The following PPFIA2 variants were observed in gnomAD, a reference collection of about 807,000 sequenced individuals.
PPFIA2 encodes PPFI scaffold protein A2.
Under a neutral mutation model 175.5 loss-of-function variants are expected in PPFIA2, and 46 were observed. The ratio of observed to expected loss-of-function variants is 0.26; its 90% CI spans 0.21 to 0.34. The LOEUF is 0.34. PPFIA2 is among the 10% of genes least tolerant of loss of function. The pLI is 1.00. For missense variants in PPFIA2, 1,179 were observed against 1,506.1 expected, an observed-to-expected ratio of 0.78 and a Z score of 3.60; for synonymous variants, 568 against 511.4, an observed-to-expected ratio of 1.11 and a Z score of -1.49.
At chr12:81,402,638 G>C (rs894686798) in intron 8 of PPFIA2, among the ~76,000 whole-genome samples, 1 of 152,150 alleles carries the variant, frequency 6.6e-6, no homozygotes, top group Non-Finnish European at 1.5e-5. Context: ...CAGATTGCTT[G>C]AGCTCAGGAG....
At chr12:81,448,973 T>C (rs953233301) in intron 5 of PPFIA2, among the ~76,000 whole-genome samples, 2 of 152,176 alleles carry the variant, frequency 1.3e-5, no homozygotes, top group Admixed American at 6.5e-5. Flanking sequence ...ATTAGAGTCA[T>C]AGTACTATGG....
intron 23 of PPFIA2, chr12:81,298,521 C>G (rs2047038973): frequency 6.6e-6 from 1 of 152,172 alleles, no homozygotes; most frequent in African/African-American, 2.4e-5. Context: ...GCAAGGAAAG[C>G]CTGGATTCTT....
chr12:81,667,981 G>A (rs776701418), intron 4 of PPFIA2, among the ~76,000 whole-genome samples: 9 of 152,010 alleles, frequency 5.9e-5, no homozygotes, highest in Non-Finnish European at 1.3e-4. Flanking sequence ...TATAAGACTG[G>A]TGACTTCTAT....
chr12:81,516,419 T>C (rs957484732), intron 4 of PPFIA2, among the ~76,000 whole-genome samples: 3 of 152,190 alleles, frequency 2.0e-5, no homozygotes, highest in Non-Finnish European at 2.9e-5. Context: ...GGTTGAGTTG[T>C]GTCCTCTGCC....
At chr12:81,530,774 A>T (rs2064421729) in intron 4 of PPFIA2, among the ~76,000 whole-genome samples, 2 of 147,200 alleles carry the variant, frequency 1.4e-5, no homozygotes, top group African/African-American at 2.5e-5. Flanking sequence ...CACATTATAT[A>T]ATATATGTGT....
At chr12:81,260,721 C>T (rs1238089581) in intron 32 of PPFIA2, 3 of 152,314 alleles carry the variant, frequency 2.0e-5, no homozygotes, top group East Asian at 1.9e-4. Flanking sequence ...AATTGTGTGG[C>T]ACTTTTAGTT....
intron 7 of PPFIA2, among the ~76,000 whole-genome samples, chr12:81,416,875 T>C (rs1427510548): frequency 2.0e-5 from 3 of 151,692 alleles, no homozygotes; most frequent in African/African-American, 7.2e-5. Context: ...AACTAAATAA[T>C]CCAATGTGTG....
chr12:81,407,234 C>A (rs1436052667), intron 7 of PPFIA2, among the ~76,000 whole-genome samples: 1 of 152,092 alleles, frequency 6.6e-6, no homozygotes, highest in African/African-American at 2.4e-5. Context: ...CCTGTAATCT[C>A]GGCACTTTGG....
intron 3 of PPFIA2, among the ~76,000 whole-genome samples, chr12:81,747,753 T>C (rs2083251912): frequency 6.9e-6 from 1 of 144,004 alleles, no homozygotes; most frequent in Non-Finnish European, 1.6e-5. Context: ...GTAGTATGCA[T>C]TCAGAATAAA....
chr12:81,367,994 C>T (rs1175578314), intron 13 of PPFIA2: 6 of 694,930 alleles, frequency 8.6e-6, no homozygotes, highest in Non-Finnish European at 1.3e-5. Context: ...AAACATTTTC[C>T]CTATTTTGGT....
chr12:81,687,084 A>G (rs955367958), intron 3 of PPFIA2, among the ~76,000 whole-genome samples: 1 of 151,944 alleles, frequency 6.6e-6, no homozygotes, highest in Non-Finnish European at 1.5e-5. Context: ...ACACCCTCCA[A>G]GTGAGTCTGA....
At chr12:81,565,101 A>G (rs1365081817) in intron 4 of PPFIA2, among the ~76,000 whole-genome samples, 2 of 152,124 alleles carry the variant, frequency 1.3e-5, no homozygotes, top group Non-Finnish European at 2.9e-5. Context: ...TTTTGCCAGA[A>G]GAAACAGCTT....
At chr12:81,617,179 T>A (rs558035486) in intron 4 of PPFIA2, among the ~76,000 whole-genome samples, 1 of 152,292 alleles carries the variant, frequency 6.6e-6, no homozygotes, top group East Asian at 1.9e-4. Flanking sequence ...CCCTAGTCAC[T>A]CAAAAGAAAA....
chr12:81,294,710 C>T, intron 24 of PPFIA2, 125 bp downstream of exon 24: 2 of 901,952 alleles, frequency 2.2e-6, no homozygotes, highest in Non-Finnish European at 3.5e-6. Flanking sequence ...AAAGAGCAAG[C>T]TTAATCTCTT....
At chr12:81,333,118 C>T (rs1307482653) in intron 21 of PPFIA2, among the ~76,000 whole-genome samples, 2 of 152,130 alleles carry the variant, frequency 1.3e-5, no homozygotes, top group African/African-American at 4.8e-5. Flanking sequence ...AACAGCTCTT[C>T]CTAGTATTTG....
At chr12:81,686,578 T>C (rs1487280976) in intron 3 of PPFIA2, among the ~76,000 whole-genome samples, 3 of 152,098 alleles carry the variant, frequency 2.0e-5, no homozygotes, top group African/African-American at 7.2e-5. Context: ...TTTCCAACTT[T>C]TCCACACTGA....
intron 4 of PPFIA2, among the ~76,000 whole-genome samples, chr12:81,532,895 G>A (rs1324470150): frequency 6.6e-6 from 1 of 151,622 alleles, no homozygotes; most frequent in East Asian, 1.9e-4. Context: ...AACTGAAGCA[G>A]TTTTTCACTG....
In PPFIA2 at chr12:81,564,074, G is replaced by A. The variant is rs909774036; in HGVS notation, c.304-106208C>T. On this transcript the variant is annotated intron_variant, in intron 4 of 32. Transcript: ENST00000549396. Reference sequence around the variant, plus strand: ...AATTGGCTTCTAAAGATTTTTGTGTGAATGACATCAAACATCACACACTCA... The same window carrying A: ...AATTGGCTTCTAAAGATTTTTGTGTAAATGACATCAAACATCACACACTCA... Among the ~76,000 whole-genome samples, 9 of 152,194 alleles carry A rather than the reference G, an allele frequency of 5.9e-5. No individual in the cohort carries two copies. In the South Asian group the frequency reaches 1.9e-3, roughly 32 times the overall value.
At chr12:81,687,104 A>C (rs2074530020) in intron 3 of PPFIA2, among the ~76,000 whole-genome samples, 1 of 152,060 alleles carries the variant, frequency 6.6e-6, no homozygotes, top group African/African-American at 2.4e-5. Context: ...ATGCAGGCTA[A>C]GGTTGGAGAA....
Sources: allele counts gnomAD v4.1 joint callset (sites outside exome capture counted in the v4.1 genomes callset), GRCh38; gene constraint gnomAD v4.1.1; transcripts MANE v1.5; gene names NCBI Gene and HGNC (gene_info 2026-07-23, HGNC 2026-07-21).